REEP5: variants seen among roughly 807,000 people sequenced by gnomAD.
The protein encoded by REEP5 is receptor expression-enhancing protein 5.
A neutral mutation model predicts 22.4 loss-of-function variants in REEP5; 24 were observed. The ratio of observed to expected loss-of-function variants is 1.07; its 90% CI spans 0.78 to 1.51. The LOEUF (loss-of-function observed/expected upper bound fraction) is 1.51. REEP5 is among the 40% of genes most tolerant of loss of function. The pLI is 0.00. For synonymous variants in REEP5, 103 were observed against 88.6 expected, an observed-to-expected ratio of 1.16 and a Z score of -0.92; for missense variants, 252 against 233.0, an observed-to-expected ratio of 1.08 and a Z score of -0.53.
At chr5:112,916,278 T>C (rs1467014938) in intron 2 of REEP5, among the ~76,000 whole-genome samples, 5 of 152,212 alleles carry the variant, frequency 3.3e-5, no homozygotes, top group Admixed American at 2.0e-4. Context: ...ATTAACCTTC[T>C]TGCCATCCCT....
At chr5:112,881,874 C>G (rs577640190) in intron 4 of REEP5, 17 of 152,292 alleles carry the variant, frequency 1.1e-4, no homozygotes, top group African/African-American at 4.1e-4. Flanking sequence ...AGGTGATCCT[C>G]CCATCTCAGC....
chr5:112,882,328 T>C (rs754951502), intron 4 of REEP5, among the ~76,000 whole-genome samples: 1 of 152,256 alleles, frequency 6.6e-6, no homozygotes, highest in South Asian at 2.1e-4. Context: ...TCATTGTAGA[T>C]GATGATGGAG....
chr5:112,919,608 T>C (rs1258898606), intron 2 of REEP5, among the ~76,000 whole-genome samples: 3 of 152,060 alleles, frequency 2.0e-5, no homozygotes, highest in African/African-American at 7.2e-5. Context: ...CCCTCATGCA[T>C]GGGATTCGTG....
chr5:112,884,912 C>T (rs1019639278), intron 4 of REEP5, among the ~76,000 whole-genome samples: 2 of 152,052 alleles, frequency 1.3e-5, no homozygotes, highest in Admixed American at 6.6e-5. Context: ...ATGGTCTCTT[C>T]GGTATGCTGG....
intron 2 of REEP5, among the ~76,000 whole-genome samples, chr5:112,915,857 A>G (rs1769220124): frequency 6.6e-6 from 1 of 151,056 alleles, no homozygotes; most frequent in Non-Finnish European, 1.5e-5. Flanking sequence ...ATGAGTAAAA[A>G]AGAACAAAAC....
chr5:112,917,433 C>T (rs182292806), intron 2 of REEP5, among the ~76,000 whole-genome samples: 136 of 152,196 alleles, frequency 8.9e-4, no homozygotes, highest in African/African-American at 3.2e-3. Context: ...AAGGTGGCAG[C>T]CCAAGTCTTA....
intron 2 of REEP5, among the ~76,000 whole-genome samples, chr5:112,904,462 C>T (rs10515449): frequency 0.21 from 31,377 of 152,076 alleles, 4,505 homozygotes; most frequent in African/African-American, 0.41. Flanking sequence ...ACATTTCACT[C>T]AAGGTCTTAG....
rs1767968404 is a variant in REEP5, at chr5:112,878,614, AT to A, written c.*171del. ...GCATTAAGTTTAAAGTGCTCCCTATATATATAGACAGTAAAAGTAAGCAAAG... is the reference window on the plus strand; with the variant it reads ...GCATTAAGTTTAAAGTGCTCCCTATAATATAGACAGTAAAAGTAAGCAAAG... On this transcript the variant is annotated 3_prime_UTR_variant, in exon 5 of 5. Transcript: ENST00000379638. 9 of 945,054 alleles carry A rather than the reference AT, an allele frequency of 9.5e-6. No homozygotes were observed. Among genetic ancestry groups the A allele is most frequent in the Admixed American group, 6.1e-5 (2 of 32,724 alleles). 58.5% of individuals were successfully genotyped at this position (945,054 alleles called of 1,614,324 possible). A position where few individuals can be genotyped will look rare whatever the true frequency, so the allele number is the denominator to read the frequency against.
chr5:112,895,492 T>C (rs994467911), intron 3 of REEP5: 8 of 97,016 alleles, frequency 8.2e-5, no homozygotes, highest in African/African-American at 7.3e-4. Flanking sequence ...CTTTTCTGGA[T>C]GAATTAAGTG....
intron 2 of REEP5, among the ~76,000 whole-genome samples, chr5:112,914,324 C>T (rs907614627): frequency 8.6e-5 from 13 of 151,412 alleles, no homozygotes; most frequent in Non-Finnish European, 1.5e-4. Context: ...ACACAGCTCA[C>T]CACAGCCTTG....
intron 2 of REEP5, among the ~76,000 whole-genome samples, chr5:112,919,375 G>A (rs1833560): frequency 0.072 from 10,953 of 151,228 alleles, 837 homozygotes; most frequent in African/African-American, 0.19. Context: ...TGGCAAAACC[G>A]CATCTCTACT....
intron 2 of REEP5, among the ~76,000 whole-genome samples, chr5:112,911,261 C>G (rs1213081678): frequency 2.0e-5 from 3 of 152,214 alleles, no homozygotes; most frequent in African/African-American, 7.2e-5. Flanking sequence ...AAATTTCAAC[C>G]TCCAGACTTC....
chr5:112,910,447 A>C (rs1769073712), intron 2 of REEP5, among the ~76,000 whole-genome samples: 1 of 152,232 alleles, frequency 6.6e-6, no homozygotes, highest in East Asian at 1.9e-4. Flanking sequence ...GCTCTAAAAA[A>C]TAAAATCCAT....
intron 2 of REEP5, among the ~76,000 whole-genome samples, chr5:112,909,744 C>A (rs984893631): frequency 1.3e-5 from 2 of 152,182 alleles, no homozygotes; most frequent in African/African-American, 4.8e-5. Context: ...TCACTCCACC[C>A]TTGCTGGCCC....
At chr5:112,880,742 A>G (rs1290012893) in intron 4 of REEP5, among the ~76,000 whole-genome samples, 1 of 152,234 alleles carries the variant, frequency 6.6e-6, no homozygotes, top group East Asian at 1.9e-4. Flanking sequence ...CCAAGAGGCT[A>G]AGAAATGTGG....
At chr5:112,890,831 A>G (rs538045136) in intron 3 of REEP5, among the ~76,000 whole-genome samples, 2 of 150,924 alleles carry the variant, frequency 1.3e-5, no homozygotes, top group Admixed American at 1.3e-4. Flanking sequence ...AACCTTATAC[A>G]AGTTACTTAA....
chr5:112,892,565 T>C (rs778715128), intron 3 of REEP5: 1 of 1,614,190 alleles, frequency 6.2e-7, no homozygotes, highest in Admixed American at 1.7e-5. Flanking sequence ...TTCTGCCCAG[T>C]GACCCGGTGG....
At chr5:112,899,206 G>A (rs1304205115) in intron 3 of REEP5, among the ~76,000 whole-genome samples, 4 of 151,482 alleles carry the variant, frequency 2.6e-5, no homozygotes, top group African/African-American at 9.7e-5. Context: ...AGCCTCCTGA[G>A]CAGATGGGAC....
chr5:112,913,961 C>T (rs961783619), intron 2 of REEP5, among the ~76,000 whole-genome samples: 1 of 151,568 alleles, frequency 6.6e-6, no homozygotes, highest in Non-Finnish European at 1.5e-5. Context: ...TGAGACCAGC[C>T]TGGGCAACAT....
Sources: allele counts gnomAD v4.1 joint callset (sites outside exome capture counted in the v4.1 genomes callset), GRCh38; gene constraint gnomAD v4.1.1; transcripts MANE v1.5; gene names NCBI Gene and HGNC (gene_info 2026-07-23, HGNC 2026-07-21).